The following ERBB4 variants were observed in gnomAD, a reference collection of about 807,000 sequenced individuals.
The protein encoded by ERBB4 is receptor tyrosine-protein kinase erbB-4.
In ERBB4, 42 loss-of-function variants were observed where a neutral mutation model predicts 158.0. The observed-to-expected ratio is 0.27, with a 90% CI of 0.21 to 0.34. The LOEUF (loss-of-function observed/expected upper bound fraction) is 0.34. Ranked by LOEUF, ERBB4 falls within the 10% of genes least tolerant of loss-of-function variation. The pLI is 1.00. For missense variants in ERBB4, 1,333 were observed against 1,624.1 expected, an observed-to-expected ratio of 0.82 and a Z score of 3.08; for synonymous variants, 583 against 558.7, an observed-to-expected ratio of 1.04 and a Z score of -0.61.
chr2:212,537,239 C>A (rs567266883), intron 1 of ERBB4, among the ~76,000 whole-genome samples: 27 of 152,172 alleles, frequency 1.8e-4, no homozygotes, highest in African/African-American at 6.3e-4. Context: ...TATCGCCACT[C>A]CCGGGGGCTT....
At position 211,626,956 on chromosome 2, in the gene ERBB4, T is replaced by TA. The variant is rs1296427349; in HGVS notation, c.2080-2913dup. 7.7e-3 allele frequency among the ~76,000 whole-genome samples: 256 copies of TA among 33,098 alleles called. 1 individual carries two copies. The highest frequency in any genetic ancestry group is 0.016 in the African/African-American group (217 of 13,680). The allele number at this position is 33,098 out of a possible 152,430, so 21.7% of individuals were successfully genotyped here. Reference sequence around the variant, plus strand: ...TAAAAATAAAAATAAATAAAAAAAATAAAAAAAAAAAAGTGTGTGTTTATT... The same window carrying TA: ...TAAAAATAAAAATAAATAAAAAAAATAAAAAAAAAAAAAGTGTGTGTTTATT... On this transcript the variant is annotated intron_variant, in intron 17 of 27. Coordinates refer to ENST00000342788, the MANE Select transcript of ERBB4 (RefSeq NM_005235.3).
intron 1 of ERBB4, among the ~76,000 whole-genome samples, chr2:212,374,699 G>A (rs2090262088): frequency 6.6e-6 from 1 of 151,948 alleles, no homozygotes; most frequent in Non-Finnish European, 1.5e-5. Context: ...AATGGCGTCA[G>A]TTCCATTCTT....
intron 20 of ERBB4, among the ~76,000 whole-genome samples, chr2:211,432,269 G>A (rs2063760900): frequency 6.6e-6 from 1 of 152,126 alleles, no homozygotes; most frequent in Non-Finnish European, 1.5e-5. Flanking sequence ...CAAAAGCTGT[G>A]GAAAACAGAC....
At chr2:211,516,593 C>A (rs2066041131) in intron 20 of ERBB4, among the ~76,000 whole-genome samples, 1 of 152,018 alleles carries the variant, frequency 6.6e-6, no homozygotes, top group African/African-American at 2.4e-5. Flanking sequence ...ACTCAGCCTC[C>A]CAGAGTTCTG....
intron 1 of ERBB4, among the ~76,000 whole-genome samples, chr2:212,375,940 C>T (rs532557560): frequency 7.9e-5 from 12 of 152,194 alleles, no homozygotes; most frequent in African/African-American, 2.6e-4. Context: ...TAACTTGTTT[C>T]GAGAAGGGAG....
At chr2:211,522,235 C>CA (rs2125640635) in intron 20 of ERBB4, among the ~76,000 whole-genome samples, 1 of 152,228 alleles carries the variant, frequency 6.6e-6, no homozygotes, top group Admixed American at 6.5e-5. Context: ...AAAAGAGCAA[C>CA]ATTAACAGGA....
chr2:211,926,928 A>G (rs1417001770), intron 3 of ERBB4, among the ~76,000 whole-genome samples: 1 of 152,126 alleles, frequency 6.6e-6, no homozygotes, highest in Non-Finnish European at 1.5e-5. Context: ...GGTTATACTT[A>G]GTCAATGTGA....
chr2:212,304,875 A>G (rs956462322), intron 1 of ERBB4, among the ~76,000 whole-genome samples: 19 of 151,488 alleles, frequency 1.3e-4, no homozygotes. Context: ...AGAATCCATA[A>G]CAATTCTAAA....
chr2:212,300,505 T>A (rs528602425), intron 1 of ERBB4, among the ~76,000 whole-genome samples: 2 of 151,672 alleles, frequency 1.3e-5, no homozygotes, highest in East Asian at 3.9e-4. Context: ...TGTGAGACTG[T>A]CCTTAACTTT....
chr2:211,810,528 G>C (rs775910747), intron 3 of ERBB4, among the ~76,000 whole-genome samples: 2 of 150,224 alleles, frequency 1.3e-5, no homozygotes, highest in Non-Finnish European at 3.0e-5. Flanking sequence ...CCGTTTTTTT[G>C]CTTTCCATTT....
At chr2:211,561,641 C>A (rs2067395108) in intron 20 of ERBB4, 2 of 470,540 alleles carry the variant, frequency 4.3e-6, no homozygotes, top group African/African-American at 3.9e-5. Flanking sequence ...ATAACAATTC[C>A]TCCCCCTGAC....
chr2:211,668,571 G>GA (rs1275327131), intron 14 of ERBB4, among the ~76,000 whole-genome samples: 2 of 152,000 alleles, frequency 1.3e-5, no homozygotes, highest in Non-Finnish European at 2.9e-5. Context: ...AGGATAGGCT[G>GA]AATCCTTATA....
chr2:212,311,241 G>A (rs114886329), intron 1 of ERBB4, among the ~76,000 whole-genome samples: 2,253 of 150,454 alleles, frequency 0.015, 56 homozygotes, highest in African/African-American at 0.052. Context: ...AATATATGCC[G>A]GAATACTACT....
At chr2:212,258,531 T>C (rs2084823754) in intron 1 of ERBB4, among the ~76,000 whole-genome samples, 1 of 150,494 alleles carries the variant, frequency 6.6e-6, no homozygotes, top group African/African-American at 2.4e-5. Flanking sequence ...AATATATTGG[T>C]AATAAAAGGT....
intron 3 of ERBB4, among the ~76,000 whole-genome samples, chr2:211,826,336 T>C (rs1304232014): frequency 6.6e-6 from 1 of 151,812 alleles, no homozygotes; most frequent in East Asian, 1.9e-4. Flanking sequence ...CAAATACATA[T>C]ATTGGTCCTG....
At position 212,112,017 on chromosome 2, in the gene ERBB4, T is replaced by A. The variant is rs142064978; in HGVS notation, c.234+12735A>T. ...CATCTGCTGAATGTTTAATTCTTTTTTATTTTTATTTTATTTTAGAAACAG... is the reference window on the plus strand; with the variant it reads ...CATCTGCTGAATGTTTAATTCTTTTATATTTTTATTTTATTTTAGAAACAG... On this transcript the variant is annotated intron_variant, in intron 2 of 27. Transcript: ENST00000342788. 8.7e-4 allele frequency among the ~76,000 whole-genome samples: 132 copies of A among 152,318 alleles called. 3 individuals carry two copies. Among genetic ancestry groups the A allele is most frequent in the East Asian group, 7.3e-3 (38 of 5,190 alleles).
At position 211,588,123 on chromosome 2, in the gene ERBB4, T is replaced by C. The variant is rs552612293; in HGVS notation, c.2302-26035A>G. On this transcript the variant is annotated intron_variant, in intron 19 of 27. Transcript: ENST00000342788. ...AGGTATGGAATTATGTTTTAATGTG[T>C]TTCTTTTTGTGTATTAAGAAGAAAA... 2.6e-5 allele frequency among the ~76,000 whole-genome samples: 4 copies of C among 152,310 alleles called. No homozygotes were observed. In the South Asian group the frequency reaches 6.2e-4, roughly 24 times the overall value.
intron 22 of ERBB4, among the ~76,000 whole-genome samples, chr2:211,426,131 C>T (rs1172902197): frequency 2.6e-5 from 4 of 152,124 alleles, no homozygotes; most frequent in African/African-American, 7.2e-5. Flanking sequence ...ATATAAAATA[C>T]AAAAACAAAA....
chr2:211,857,159 T>TG (rs1559580743), intron 3 of ERBB4, among the ~76,000 whole-genome samples: 1,431 of 107,092 alleles, frequency 0.013, 25 homozygotes, highest in African/African-American at 0.041. Context: ...CTGTGTGTGT[T>TG]TGTGTGTGTG....
Sources: gnomAD v4.1 joint callset for allele counts (sites outside exome capture counted in the v4.1 genomes callset) on GRCh38, gnomAD v4.1.1 for gene constraint, MANE v1.5 for transcripts, NCBI Gene and HGNC (gene_info 2026-07-23, HGNC 2026-07-21) for gene names.